RBL2: variants seen among roughly 807,000 people sequenced by gnomAD.
The protein encoded by RBL2 is retinoblastoma-like protein 2.
A neutral mutation model predicts 126.0 loss-of-function variants in RBL2; 56 were observed. The ratio of observed to expected loss-of-function variants is 0.44; its 90% CI spans 0.36 to 0.56. The LOEUF (loss-of-function observed/expected upper bound fraction) is 0.56. Ranked by LOEUF, RBL2 falls within the 20% of genes least tolerant of loss-of-function variation. The probability of loss-of-function intolerance (pLI) is 0.00; values close to 1 mark genes in which losing one functional copy is unlikely to be tolerated. For missense variants in RBL2, 1,229 were observed against 1,398.2 expected (o/e 0.88, Z 1.93); for synonymous variants, 454 against 478.5 (o/e 0.95, Z 0.67).
intron 20 of RBL2, 40 bp from the exon 21 acceptor site, chr16:53,481,631 A>G (rs755190314): frequency 6.9e-7 from 1 of 1,445,806 alleles, no homozygotes; most frequent in Non-Finnish European, 9.3e-7. Flanking sequence ...ATAATTATAA[A>G]TTTTTTTCTT....
chr16:53,473,307 T>G (rs924349387), intron 17 of RBL2, among the ~76,000 whole-genome samples: 4 of 152,166 alleles, frequency 2.6e-5, no homozygotes, highest in African/African-American at 9.7e-5. Flanking sequence ...TTTTATATCT[T>G]CTGATCCATG....
intron 7 of RBL2, among the ~76,000 whole-genome samples, 162 bp downstream of exon 7, chr16:53,453,931 T>A (rs2058140827): frequency 6.6e-6 from 1 of 152,248 alleles, no homozygotes; most frequent in Non-Finnish European, 1.5e-5. Context: ...GCACACTTTT[T>A]AAATGTGTTC....
intron 1 of RBL2, chr16:53,435,763 G>T: frequency 2.3e-6 from 3 of 1,283,030 alleles, no homozygotes; most frequent in Non-Finnish European, 3.1e-6. Flanking sequence ...TAAATATGAT[G>T]TTTTTGGCTA....
At chr16:53,450,570 G>A (rs2058105947) in intron 4 of RBL2, among the ~76,000 whole-genome samples, 1 of 152,088 alleles carries the variant, frequency 6.6e-6, no homozygotes, top group East Asian at 1.9e-4. Flanking sequence ...AGAAAATTAA[G>A]ATAATAATAA....
chr16:53,462,370 C>T (rs1365086595), intron 10 of RBL2, among the ~76,000 whole-genome samples, 182 bp from the exon 11 acceptor site: 4 of 152,090 alleles, frequency 2.6e-5, no homozygotes, highest in East Asian at 1.9e-4. Flanking sequence ...AAAAATGTGA[C>T]TGTTACCATG....
chr16:53,490,339 T>C lies in RBL2; in HGVS notation c.*39T>C, dbSNP rs1567752085. The C allele has an allele frequency of 3.3e-6, 5 of 1,506,810 alleles. No homozygotes were observed. The highest frequency in any genetic ancestry group is 1.4e-5 in the African/African-American group (1 of 72,094). The allele number at this position is 1,506,810 out of a possible 1,614,324, so 93.3% of individuals were successfully genotyped here. A position where few individuals can be genotyped will look rare whatever the true frequency, so the allele number is the denominator to read the frequency against. ...TATTAAACTCTTCACAAAATCTGTT[T>C]AGCAGCAGCCTTTAATGCATCTAGA... On this transcript the variant is annotated 3_prime_UTR_variant, in exon 22 of 22. Transcript: ENST00000262133.
chr16:53,479,410 A>G (rs1178812169), intron 18 of RBL2, 185 bp downstream of exon 18: 6 of 570,084 alleles, frequency 1.1e-5, no homozygotes, highest in East Asian at 2.9e-5. Flanking sequence ...CTTTTCCTCA[A>G]AAGGCAACAA....
intron 8 of RBL2, among the ~76,000 whole-genome samples, chr16:53,456,572 T>C (rs551463077): frequency 6.0e-4 from 92 of 152,292 alleles, no homozygotes; most frequent in African/African-American, 2.2e-3. Context: ...AAAGCTAAAA[T>C]CCTGACAAGT....
intron 20 of RBL2, 149 bp from the exon 21 acceptor site, chr16:53,481,522 A>G (rs1960945142): frequency 8.6e-6 from 6 of 701,434 alleles, no homozygotes; most frequent in Non-Finnish European, 1.3e-5. Flanking sequence ...CTATTAGAAT[A>G]TTTTTCTTTA....
At chr16:53,447,588 A>C (rs759650080) in intron 4 of RBL2, among the ~76,000 whole-genome samples, 9 of 151,666 alleles carry the variant, frequency 5.9e-5, no homozygotes, top group Non-Finnish European at 1.0e-4. Context: ...AACCTACCCA[A>C]GGTCTGCATT....
chr16:53,490,782 G>C lies in RBL2; in HGVS notation c.*482G>C, dbSNP rs753957675. The C allele has an allele frequency of 6.6e-6, 1 of 152,598 alleles. No homozygotes were observed. Among genetic ancestry groups the C allele is most frequent in the Non-Finnish European group, 1.5e-5 (1 of 68,080 alleles). 9.5% of individuals were successfully genotyped at this position (152,598 alleles called of 1,614,324 possible). A position where few individuals can be genotyped will look rare whatever the true frequency, so the allele number is the denominator to read the frequency against. The stretch of plus-strand genomic sequence containing the variant: ...GATTTTTTGCATTCCTGACAAAGGA[G>C]AGCACACCCAGGTTTGGAGGTCCTA... On this transcript the variant is annotated 3_prime_UTR_variant, in exon 22 of 22. Transcript: ENST00000262133.
chr16:53,456,265 A>G (rs2058167074), intron 8 of RBL2, among the ~76,000 whole-genome samples: 1 of 152,148 alleles, frequency 6.6e-6, no homozygotes, highest in Admixed American at 6.5e-5. Context: ...AAGCCATCGT[A>G]AGGACTTTTG....
At position 53,470,843 on chromosome 16, in the gene RBL2, C is replaced by G; in HGVS notation, c.2624C>G (p.Ser875Cys). The part of the protein sequence containing the change: ...RKKIWTCFEF[S>C]IIQCPELMMD... ...AAAATCTGGACCTGCTTTGAATTCT[C>G]CATAATTCAGTGTCCTGAACTTATG... The change falls in exon 17 of 22, where the codon TCC becomes TGC. Residue 875 changes from serine (S) to cysteine (C), a missense_variant. Transcript: ENST00000262133. The G allele has an allele frequency of 6.2e-7, 1 of 1,613,936 alleles. No homozygotes were observed. The highest frequency in any genetic ancestry group is 8.5e-7 in the Non-Finnish European group (1 of 1,179,816).
At position 53,442,642 on chromosome 16, in the gene RBL2, T is replaced by G; in HGVS notation, c.372-16T>G. On this transcript the variant is annotated splice_polypyrimidine_tract_variant and intron_variant, in intron 2 of 21. Coordinates refer to ENST00000262133, the MANE Select transcript of RBL2 (RefSeq NM_005611.4). ...TTATGTTAATTATGAAATATCTTGTTTGTCTTTAATACCAGCTTAATCGAA... is the reference window on the plus strand; with the variant it reads ...TTATGTTAATTATGAAATATCTTGTGTGTCTTTAATACCAGCTTAATCGAA... The G allele has an allele frequency of 6.3e-7, 1 of 1,580,366 alleles. No individual in the cohort carries two copies. The highest frequency in any genetic ancestry group is 8.7e-7 in the Non-Finnish European group (1 of 1,154,388).
intron 21 of RBL2, among the ~76,000 whole-genome samples, chr16:53,482,860 G>T (rs1961010272): frequency 6.6e-6 from 1 of 151,546 alleles, no homozygotes; most frequent in East Asian, 1.9e-4. Flanking sequence ...TATATATATG[G>T]CCTGAACTCT....
Position 53,490,158 on chromosome 16 carries a change from G to T in RBL2, c.3278G>T (p.Arg1093Leu), listed in dbSNP as rs17853303. 1 of 1,606,882 alleles carries T rather than the reference G, an allele frequency of 6.2e-7. No individual in the cohort carries two copies. Among genetic ancestry groups the T allele is most frequent in the African/African-American group, 1.3e-5 (1 of 74,750 alleles). Reference protein sequence around the residue: ...KRLREINSMIRTGETPTKKRG... With the variant: ...KRLREINSMILTGETPTKKRG... The stretch of plus-strand genomic sequence containing the variant: ...CTGAGAGAAATTAATAGTATGATAC[G>T]CACAGGAGAAACTCCTACTAAAAAG... Residue 1093 changes from arginine to leucine, a missense_variant, in exon 22 of 22, where the codon CGC (arginine) becomes CTC (leucine). Transcript: ENST00000262133.
chr16:53,471,695 C>G (rs779738754), intron 17 of RBL2, among the ~76,000 whole-genome samples: 23 of 152,132 alleles, frequency 1.5e-4, no homozygotes, highest in Non-Finnish European at 2.5e-4. Context: ...TCTCAAACTC[C>G]TGACCTCAGG....
intron 8 of RBL2, 120 bp downstream of exon 8, chr16:53,454,962 C>A: frequency 1.4e-6 from 1 of 729,238 alleles, no homozygotes; most frequent in Non-Finnish European, 2.0e-6. Flanking sequence ...AGAAAATTCT[C>A]ATCATACTTC....
At chr16:53,451,665 A>T (rs760032937) in intron 4 of RBL2, 38 bp from the exon 5 acceptor site, 1 of 1,593,954 alleles carries the variant, frequency 6.3e-7, no homozygotes. Flanking sequence ...TACAAAGTCA[A>T]TGCTAATTTA....
Sources: gnomAD v4.1 joint callset for allele counts (sites outside exome capture counted in the v4.1 genomes callset) on GRCh38, gnomAD v4.1.1 for gene constraint, MANE v1.5 for transcripts, NCBI Gene and HGNC (gene_info 2026-07-23, HGNC 2026-07-21) for gene names.